The following GNAQ variants were observed in gnomAD, a reference collection of about 807,000 sequenced individuals.
GNAQ encodes guanine nucleotide-binding protein G(q) subunit alpha.
Under a neutral mutation model 43.9 loss-of-function variants are expected in GNAQ, and 8 were observed. That is an observed-to-expected ratio of 0.18 (90% CI 0.11 to 0.33). GNAQ has a LOEUF of 0.33. GNAQ is among the 10% of genes least tolerant of loss of function. GNAQ has a pLI of 1.00. For synonymous variants in GNAQ, 155 were observed against 170.7 expected (o/e 0.91, Z 0.71); for missense variants, 158 against 450.8 (o/e 0.35, Z 5.88).
intron 1 of GNAQ, among the ~76,000 whole-genome samples, chr9:77,973,725 G>A (rs935075706): frequency 6.6e-6 from 1 of 152,146 alleles, no homozygotes; most frequent in Non-Finnish European, 1.5e-5. Context: ...GCCTGAGGCA[G>A]GAGAATCGCT....
intron 2 of GNAQ, among the ~76,000 whole-genome samples, chr9:77,847,356 A>T (rs2117909167): frequency 6.6e-6 from 1 of 152,376 alleles, no homozygotes; most frequent in South Asian, 2.1e-4. Context: ...GTGCCTTTTC[A>T]GCACTGCTAT....
At chr9:77,757,478 A>G (rs976819078) in intron 5 of GNAQ, among the ~76,000 whole-genome samples, 1 of 152,200 alleles carries the variant, frequency 6.6e-6, no homozygotes, top group Non-Finnish European at 1.5e-5. Flanking sequence ...CCCCTAGCTT[A>G]TTAATGCTTC....
intron 1 of GNAQ, among the ~76,000 whole-genome samples, chr9:78,013,137 T>G (rs1823794179): frequency 6.6e-6 from 1 of 152,180 alleles, no homozygotes. Flanking sequence ...GCAATGAACG[T>G]GGCAGTGATC....
chr9:77,922,540 A>T (rs1356502954), intron 1 of GNAQ, among the ~76,000 whole-genome samples, 195 bp from the exon 2 acceptor site: 1 of 152,152 alleles, frequency 6.6e-6, no homozygotes, highest in Non-Finnish European at 1.5e-5. Context: ...AAGGCAGATG[A>T]CCTCAAACAA....
At chr9:77,998,946 C>A (rs146798151) in intron 1 of GNAQ, among the ~76,000 whole-genome samples, 10,789 of 151,644 alleles carry the variant, frequency 0.071, 479 homozygotes, top group South Asian at 0.11. Flanking sequence ...AAAAAATTAG[C>A]CAGGTGTGGT....
intron 2 of GNAQ, among the ~76,000 whole-genome samples, chr9:77,875,747 T>A (rs1049042167): frequency 6.6e-6 from 1 of 152,160 alleles, no homozygotes; most frequent in African/African-American, 2.4e-5. Flanking sequence ...GTCAGTGACA[T>A]AACAAGAAGG....
chr9:77,759,969 AGGCT>A (rs1209118263), intron 5 of GNAQ, among the ~76,000 whole-genome samples: 2 of 137,402 alleles, frequency 1.5e-5, no homozygotes, highest in Non-Finnish European at 3.1e-5. Flanking sequence ...TATGTTGCCC[AGGCT>A]GGTCTCAAAC....
At chr9:77,776,908 T>C (rs1826313817) in intron 5 of GNAQ, among the ~76,000 whole-genome samples, 1 of 151,932 alleles carries the variant, frequency 6.6e-6, no homozygotes, top group Non-Finnish European at 1.5e-5. Flanking sequence ...ATCTTAAAAT[T>C]TATGTGGAAA....
intron 6 of GNAQ, 118 bp downstream of exon 6, chr9:77,728,396 C>T (rs774054723): frequency 4.8e-5 from 35 of 728,886 alleles, no homozygotes; most frequent in African/African-American, 3.0e-4. Flanking sequence ...AGTTTCAACA[C>T]GCAGGCTGCA....
intron 5 of GNAQ, among the ~76,000 whole-genome samples, chr9:77,786,016 T>C (rs1346880976): frequency 6.6e-6 from 1 of 152,166 alleles, no homozygotes; most frequent in Admixed American, 6.5e-5. Flanking sequence ...AGAGAAAGAC[T>C]CGTGCATATA....
chr9:77,743,291 A>AAAAC (rs767902401), intron 5 of GNAQ, among the ~76,000 whole-genome samples: 1 of 151,968 alleles, frequency 6.6e-6, no homozygotes, highest in African/African-American at 2.4e-5. Context: ...ACAAACAAAA[A>AAAAC]AAACAAACAA....
intron 3 of GNAQ, among the ~76,000 whole-genome samples, chr9:77,809,666 T>C (rs1389844283): frequency 1.3e-5 from 2 of 152,242 alleles, no homozygotes; most frequent in East Asian, 3.8e-4. Flanking sequence ...ATTGCAAATG[T>C]ATCCACAACT....
chr9:77,852,134 G>T (rs953382639), intron 2 of GNAQ, among the ~76,000 whole-genome samples: 1 of 152,156 alleles, frequency 6.6e-6, no homozygotes, highest in African/African-American at 2.4e-5. Flanking sequence ...TCAAAACACA[G>T]GGGCAGGGTT....
At chr9:77,959,709 C>T (rs1823084681) in intron 1 of GNAQ, among the ~76,000 whole-genome samples, 1 of 152,090 alleles carries the variant, frequency 6.6e-6, no homozygotes, top group African/African-American at 2.4e-5. Flanking sequence ...TCTCTTCCTA[C>T]CTTGCACAAT....
intron 3 of GNAQ, among the ~76,000 whole-genome samples, chr9:77,815,267 C>A (rs1056270028): frequency 1.3e-5 from 2 of 151,972 alleles, no homozygotes; most frequent in South Asian, 2.1e-4. Context: ...GATTTTCTAT[C>A]AAAAATTATT....
At position 78,003,289 on chromosome 9, in the gene GNAQ, T is replaced by C. The variant is rs536135517; in HGVS notation, c.136+27811A>G. On this transcript the variant is annotated intron_variant, in intron 1 of 6. Coordinates refer to ENST00000286548, the MANE Select transcript of GNAQ (RefSeq NM_002072.5). ...GAGAGAGCACTAGCTATCTCCAAAG[T>C]TTCTCACCAGAATTCTTTCTCTTGA... 3.3e-5 allele frequency among the ~76,000 whole-genome samples: 5 copies of C among 152,290 alleles called. No individual in the cohort carries two copies. The South Asian group carries it at 1.0e-3, about 32-fold the overall frequency.
intron 2 of GNAQ, among the ~76,000 whole-genome samples, chr9:77,858,942 A>G (rs1827800858): frequency 6.6e-6 from 1 of 151,654 alleles, no homozygotes; most frequent in African/African-American, 2.4e-5. Flanking sequence ...GTACTTTCCT[A>G]TTTCCATTCG....
chr9:78,007,730 C>T (rs182622510), intron 1 of GNAQ, among the ~76,000 whole-genome samples: 173 of 152,326 alleles, frequency 1.1e-3, no homozygotes, highest in African/African-American at 4.1e-3. Flanking sequence ...AGGGATACTT[C>T]TCCATCCAAT....
At chr9:77,925,069 GCTGCTCTCTCTGGGTCCCAACAA>G (rs1829050654) in intron 1 of GNAQ, among the ~76,000 whole-genome samples, 1 of 152,068 alleles carries the variant, frequency 6.6e-6, no homozygotes. Flanking sequence ...TCTCCATACT[GCTGCTCTCTCTGGGTCCCAACAA>G]CTGCTCCCTT....
Sources: allele counts gnomAD v4.1 joint callset (sites outside exome capture counted in the v4.1 genomes callset), GRCh38; gene constraint gnomAD v4.1.1; transcripts MANE v1.5; gene names NCBI Gene and HGNC (gene_info 2026-07-23, HGNC 2026-07-21).